The following VPS13A variants were observed in gnomAD, a reference collection of about 807,000 sequenced individuals.
The protein encoded by VPS13A is intermembrane lipid transfer protein VPS13A.
VPS13A carries 264 observed loss-of-function variants against 390.9 expected under a neutral mutation model. The observed-to-expected ratio is 0.68, with a 90% confidence interval of 0.61 to 0.75. VPS13A has a LOEUF of 0.75. Among genes scored for constraint, VPS13A ranks in the 30% least tolerant of loss-of-function variants. VPS13A has a pLI of 0.00. For missense variants in VPS13A, 3,409 were observed against 3,733.9 expected, an observed-to-expected ratio of 0.91 and a Z score of 2.27; for synonymous variants, 1,231 against 1,227.1, an observed-to-expected ratio of 1.00 and a Z score of -0.07.
chr9:77,358,058 C>A (rs1176133480), intron 56 of VPS13A, among the ~76,000 whole-genome samples: 2 of 147,782 alleles, frequency 1.4e-5, no homozygotes, highest in Non-Finnish European at 3.0e-5. Flanking sequence ...CAGGTTCAAG[C>A]GATTCTGCTG....
chr9:77,222,168 A>G (rs1823257629), intron 13 of VPS13A, among the ~76,000 whole-genome samples: 2 of 152,030 alleles, frequency 1.3e-5, no homozygotes, highest in African/African-American at 4.8e-5. Context: ...TTTATTTTCA[A>G]TGTGGGAGAC....
At chr9:77,307,905 G>A in intron 34 of VPS13A, 40 bp from the exon 35 acceptor site, 1 of 1,502,150 alleles carries the variant, frequency 6.7e-7, no homozygotes, top group Non-Finnish European at 9.2e-7. Context: ...CTGCAATGAA[G>A]TAGCAGTGCT....
chr9:77,397,902 GA>G (rs1221660191), intron 68 of VPS13A, among the ~76,000 whole-genome samples: 3 of 151,880 alleles, frequency 2.0e-5, no homozygotes, highest in Non-Finnish European at 2.9e-5. Flanking sequence ...TGAATAAGGC[GA>G]AAAAAATGTT....
chr9:77,339,711 A>G lies in VPS13A; in HGVS notation c.6574A>G (p.Thr2192Ala). ...TACTTGTGTTACAGAAATGGAAAAG[A>G]CTGATTTAGATATTGCTGTCCATAT... ...SFTCVTEMEK[T>A]DLDIAVHMTY... The change falls in exon 48 of 72, where the codon ACT (threonine) becomes GCT (alanine). Residue 2192 changes from threonine (T) to alanine (A), a missense_variant. Transcript: ENST00000360280. The G allele has an allele frequency of 6.2e-7, 1 of 1,614,050 alleles. No individual in the cohort carries two copies. The highest frequency in any genetic ancestry group is 1.1e-5 in the South Asian group (1 of 91,072).
intron 17 of VPS13A, 92 bp downstream of exon 17, chr9:77,228,356 C>T: frequency 8.0e-7 from 1 of 1,257,472 alleles, no homozygotes; most frequent in South Asian, 1.6e-5. Flanking sequence ...TTGTAAAGAG[C>T]ACTATAGTTT....
chr9:77,208,122 A>G (rs1326470860), intron 5 of VPS13A, among the ~76,000 whole-genome samples: 1 of 152,226 alleles, frequency 6.6e-6, no homozygotes, highest in Non-Finnish European at 1.5e-5. Flanking sequence ...TAATCGAATG[A>G]CTAAATGAAT....
rs759949545 is a variant in VPS13A at position 77,212,939 on chromosome 9, T to C, written c.556-30T>C. 2.5e-6 allele frequency: 4 copies of C among 1,611,918 alleles called. No homozygotes were observed. In the East Asian group the frequency reaches 8.9e-5, roughly 36 times the overall value. On this transcript the variant is annotated intron_variant, in intron 7 of 71. Transcript: ENST00000360280. ...CTGCTGTTTCAAATGGAATGACCTT[T>C]TTACTGCCATTGTTTTTTTTCCTTT...
chr9:77,256,765 A>G (rs1045748392), intron 22 of VPS13A, among the ~76,000 whole-genome samples: 11 of 152,036 alleles, frequency 7.2e-5, no homozygotes, highest in Non-Finnish European at 1.6e-4. Context: ...TGCTTGTAAC[A>G]GTTTTTGATT....
intron 31 of VPS13A, among the ~76,000 whole-genome samples, chr9:77,289,894 C>T (rs1052723832): frequency 6.6e-6 from 1 of 151,772 alleles, no homozygotes; most frequent in Non-Finnish European, 1.5e-5. Context: ...GATTCTTCTG[C>T]CTCAGCCTCC....
At chr9:77,364,695 C>T (rs529179067) in intron 59 of VPS13A, among the ~76,000 whole-genome samples, 9 of 152,090 alleles carry the variant, frequency 5.9e-5, no homozygotes, top group Non-Finnish European at 8.8e-5. Flanking sequence ...ACCACGGATT[C>T]GCTTTTCTTA....
chr9:77,292,918 T>G (rs960849739), intron 31 of VPS13A, among the ~76,000 whole-genome samples: 2 of 152,168 alleles, frequency 1.3e-5, no homozygotes, highest in African/African-American at 4.8e-5. Flanking sequence ...GAAAAATCTA[T>G]TCACATACCT....
intron 6 of VPS13A, among the ~76,000 whole-genome samples, chr9:77,210,285 G>A (rs903690683): frequency 6.8e-6 from 1 of 146,056 alleles, no homozygotes; most frequent in Non-Finnish European, 1.5e-5. Context: ...AGGCTGGAGT[G>A]CAGTTGCCCG....
chr9:77,308,072 C>A lies in VPS13A; in HGVS notation c.4088C>A (p.Thr1363Asn). ...CAATACAGTGCCACTAGTGGAGTTACTACTAATGCTTCACACCATTCAGGA... is the reference window on the plus strand; with the variant it reads ...CAATACAGTGCCACTAGTGGAGTTAATACTAATGCTTCACACCATTCAGGA... ...KDQYSATSGV[T>N]TNASHHSGGA... Residue 1363 changes from threonine to asparagine, a missense_variant, in exon 35 of 72, where the codon ACT becomes AAT. By Grantham distance (65) the Thr-to-Asn change is moderately conservative. Transcript: ENST00000360280. 5.6e-6 allele frequency: 9 copies of A among 1,613,926 alleles called. No individual in the cohort carries two copies. The highest frequency in any genetic ancestry group is 7.6e-6 in the Non-Finnish European group (9 of 1,179,910).
chr9:77,362,659 T>G (rs1832207217), intron 59 of VPS13A, among the ~76,000 whole-genome samples: 2 of 152,228 alleles, frequency 1.3e-5, no homozygotes, highest in South Asian at 4.1e-4. Context: ...AGAAGTCAGC[T>G]GGACATCTGA....
In VPS13A at chr9:77,205,421, T is replaced by TA. The variant is rs199782752; in HGVS notation, c.283+20dup. On this transcript the variant is annotated intron_variant, in intron 4 of 71. Transcript: ENST00000360280. ...GTGCCTTCTTCTAGTAAGTTAAATTTAAAAAAATTATAATTTAAGTTATTC... is the reference window on the plus strand; with the variant it reads ...GTGCCTTCTTCTAGTAAGTTAAATTTAAAAAAAATTATAATTTAAGTTATTC... 1 of 1,211,608 alleles carries TA rather than the reference T, an allele frequency of 8.3e-7. No homozygotes were observed. Among genetic ancestry groups the TA allele is most frequent in the Non-Finnish European group, 1.1e-6 (1 of 903,380 alleles). 75.1% of individuals were successfully genotyped at this position (1,211,608 alleles called of 1,614,324 possible).
intron 22 of VPS13A, 44 bp from the exon 23 acceptor site, chr9:77,260,042 G>A: frequency 7.9e-7 from 1 of 1,264,698 alleles, no homozygotes; most frequent in South Asian, 1.3e-5. Context: ...ACTTAAATCA[G>A]AATAATTCCT....
chr9:77,232,627 C>G (rs1275841624), intron 17 of VPS13A, among the ~76,000 whole-genome samples: 1 of 152,088 alleles, frequency 6.6e-6, no homozygotes, highest in African/African-American at 2.4e-5. Context: ...CTGGGGTGGC[C>G]TCACAATCAT....
intron 68 of VPS13A, among the ~76,000 whole-genome samples, chr9:77,401,906 C>T (rs1017803584): frequency 1.3e-5 from 2 of 152,032 alleles, no homozygotes; most frequent in African/African-American, 4.8e-5. Flanking sequence ...TTGTTAATCT[C>T]TTACTGTGCC....
At chr9:77,269,798 A>G (rs1401534161) in intron 23 of VPS13A, among the ~76,000 whole-genome samples, 1 of 152,196 alleles carries the variant, frequency 6.6e-6, no homozygotes, top group Non-Finnish European at 1.5e-5. Flanking sequence ...TTGAACCCTA[A>G]TTCTGCTATT....
Sources: allele counts gnomAD v4.1 joint callset (sites outside exome capture counted in the v4.1 genomes callset), GRCh38; gene constraint gnomAD v4.1.1; transcripts MANE v1.5; gene names NCBI Gene and HGNC (gene_info 2026-07-23, HGNC 2026-07-21).